CHST9: variants seen among roughly 807,000 people sequenced by gnomAD.
CHST9 encodes the protein GalNAc-4-sulfotransferase 2.
CHST9 carries 41 observed loss-of-function variants against 44.4 expected under a neutral mutation model. The ratio of observed to expected loss-of-function variants is 0.92; its 90% CI spans 0.72 to 1.20. The LOEUF is 1.20. Among genes scored for constraint, CHST9 ranks in the 50% most tolerant of loss-of-function variants. The pLI is 0.00. For synonymous variants in CHST9, 171 were observed against 178.4 expected (o/e 0.96, Z 0.33); for missense variants, 504 against 516.5 (o/e 0.98, Z 0.23).
intron 2 of CHST9, among the ~76,000 whole-genome samples, chr18:27,138,792 G>T (rs1048606591): frequency 1.3e-5 from 2 of 151,964 alleles, no homozygotes; most frequent in African/African-American, 4.8e-5. Flanking sequence ...GAGAGGCAAA[G>T]AAATTTGCCC....
At chr18:27,170,650 C>G (rs544904431) in intron 1 of CHST9, among the ~76,000 whole-genome samples, 1 of 151,986 alleles carries the variant, frequency 6.6e-6, no homozygotes, top group Non-Finnish European at 1.5e-5. Flanking sequence ...GCAACTAGAA[C>G]TCTGAAACTT....
intron 2 of CHST9, among the ~76,000 whole-genome samples, chr18:27,099,189 C>T (rs911527614): frequency 3.9e-5 from 6 of 152,058 alleles, no homozygotes; most frequent in African/African-American, 1.2e-4. Context: ...AAAATTAACT[C>T]AAGATGGATT....
chr18:26,950,373 A>T (rs1344385069), intron 4 of CHST9, among the ~76,000 whole-genome samples: 1 of 152,220 alleles, frequency 6.6e-6, no homozygotes, highest in Non-Finnish European at 1.5e-5. Flanking sequence ...AGCTACTCTT[A>T]AGACATAGAA....
At chr18:26,958,549 TACAGA>T (rs1194783833) in intron 4 of CHST9, among the ~76,000 whole-genome samples, 1 of 151,814 alleles carries the variant, frequency 6.6e-6, no homozygotes, top group Admixed American at 6.6e-5. Flanking sequence ...GCAGATGACC[TACAGA>T]ACAGGAGAAA....
At chr18:27,051,759 G>C (rs1051765676) in intron 2 of CHST9, among the ~76,000 whole-genome samples, 11 of 152,332 alleles carry the variant, frequency 7.2e-5, no homozygotes, top group African/African-American at 2.4e-4. Context: ...CATGTGAGCT[G>C]ATAAGTTTAT....
chr18:27,165,811 T>C (rs1381735896), intron 1 of CHST9, among the ~76,000 whole-genome samples: 4 of 152,190 alleles, frequency 2.6e-5, no homozygotes, highest in African/African-American at 9.6e-5. Flanking sequence ...TAAGAAAACA[T>C]TGTATTTTCT....
At chr18:27,138,234 G>T (rs980361852) in intron 2 of CHST9, among the ~76,000 whole-genome samples, 3 of 152,162 alleles carry the variant, frequency 2.0e-5, no homozygotes, top group Non-Finnish European at 4.4e-5. Context: ...TGAGAAAAAG[G>T]ATTATATCTG....
intron 2 of CHST9, among the ~76,000 whole-genome samples, chr18:27,096,645 T>A (rs879424464): frequency 2.0e-5 from 3 of 152,044 alleles, no homozygotes; most frequent in Admixed American, 6.6e-5. Flanking sequence ...TAGAGAGTAT[T>A]ATTAACACCT....
At chr18:27,013,289 G>T (rs936793519) in intron 4 of CHST9, among the ~76,000 whole-genome samples, 1 of 152,160 alleles carries the variant, frequency 6.6e-6, no homozygotes, top group Non-Finnish European at 1.5e-5. Context: ...TGTTACACGC[G>T]CTGAATATAC....
At chr18:26,944,508 T>G (rs1428216763) in intron 4 of CHST9, 142 bp from the exon 5 acceptor site, 1 of 628,054 alleles carries the variant, frequency 1.6e-6, no homozygotes, top group African/African-American at 1.8e-5. Flanking sequence ...AATGTGGATG[T>G]TTACAACCAC....
intron 4 of CHST9, among the ~76,000 whole-genome samples, chr18:26,953,706 T>C (rs1362111733): frequency 2.0e-5 from 3 of 152,222 alleles, no homozygotes; most frequent in African/African-American, 7.2e-5. Context: ...CAAATACTGT[T>C]TGATCAGCTG....
intron 2 of CHST9, among the ~76,000 whole-genome samples, chr18:27,100,113 C>A (rs117475898): frequency 6.6e-6 from 1 of 151,808 alleles, no homozygotes; most frequent in African/African-American, 2.4e-5. Flanking sequence ...TACAGTAACA[C>A]GAGTGCAGCT....
At chr18:27,171,983 T>C (rs1310081291) in intron 1 of CHST9, among the ~76,000 whole-genome samples, 1 of 152,196 alleles carries the variant, frequency 6.6e-6, no homozygotes, top group African/African-American at 2.4e-5. Flanking sequence ...AAAATGGTTA[T>C]GTACTTGGTC....
At chr18:26,947,046 T>C (rs1326755221) in intron 4 of CHST9, among the ~76,000 whole-genome samples, 5 of 152,228 alleles carry the variant, frequency 3.3e-5, no homozygotes, top group Admixed American at 6.5e-5. Context: ...TTTTTTCTAA[T>C]TCTGTGAAGA....
intron 4 of CHST9, among the ~76,000 whole-genome samples, chr18:27,015,269 G>A (rs1183005349): frequency 6.6e-6 from 1 of 151,496 alleles, no homozygotes; most frequent in Non-Finnish European, 1.5e-5. Flanking sequence ...ATTTTTCAGT[G>A]TAAAGAAACA....
At chr18:27,158,467 G>A in intron 1 of CHST9, among the ~76,000 whole-genome samples, 1 of 150,722 alleles carries the variant, frequency 6.6e-6, no homozygotes, top group Admixed American at 6.6e-5. Flanking sequence ...GTATTCCATG[G>A]TGTATATGTA....
chr18:26,916,238 G>A lies in CHST9; in HGVS notation c.*21C>T, dbSNP rs773941111. ...CTTATCATCATTAAGTATATACAGG[G>A]TTTTAGAAAATGAATGCAAACTACA... On this transcript the variant is annotated 3_prime_UTR_variant, in exon 6 of 6. Transcript: ENST00000618847. 6.8e-6 allele frequency: 10 copies of A among 1,474,688 alleles called. 1 individual carries two copies. In the South Asian group the frequency reaches 9.9e-5, roughly 15 times the overall value. 91.4% of individuals were successfully genotyped at this position (1,474,688 alleles called of 1,614,324 possible). A position where few individuals can be genotyped will look rare whatever the true frequency, so the allele number is the denominator to read the frequency against.
chr18:27,020,262 G>C (rs2057208504), intron 4 of CHST9, among the ~76,000 whole-genome samples: 1 of 152,258 alleles, frequency 6.6e-6, no homozygotes, highest in African/African-American at 2.4e-5. Flanking sequence ...GCTGTGTAGG[G>C]AAGTCCCACC....
At position 27,055,811 on chromosome 18, in the gene CHST9, G is replaced by A. The variant is rs371072774; in HGVS notation, c.122-7308C>T. ...AGCATGATATAACAAAAGGAACACG[G>A]ATTTGGAGTTCGATGGACTAACTTC... is the stretch of plus-strand genomic sequence containing the variant. On this transcript the variant is annotated intron_variant, in intron 2 of 5. Transcript: ENST00000618847. Among the ~76,000 whole-genome samples the A allele has an allele frequency of 9.9e-5, 15 of 152,230 alleles. 1 individual carries two copies. Among genetic ancestry groups the A allele is most frequent in the African/African-American group, 3.6e-4 (15 of 41,542 alleles).
Sources: allele counts gnomAD v4.1 joint callset (sites outside exome capture counted in the v4.1 genomes callset), GRCh38; gene constraint gnomAD v4.1.1; transcripts MANE v1.5; gene names NCBI Gene and HGNC (gene_info 2026-07-23, HGNC 2026-07-21).